The following SEZ6L variants were observed in gnomAD, a reference collection of about 807,000 sequenced individuals.
SEZ6L encodes seizure related 6 homolog like, also known as seizure 6-like protein.
SEZ6L carries 37 observed loss-of-function variants against 106.2 expected under a neutral mutation model. The observed-to-expected ratio is 0.35, with a 90% CI of 0.27 to 0.46. SEZ6L has a LOEUF of 0.46. SEZ6L is among the 20% of genes least tolerant of loss of function. SEZ6L has a pLI of 1.00. For synonymous variants in SEZ6L, 541 were observed against 570.4 expected (o/e 0.95, Z 0.73); for missense variants, 1,172 against 1,332.8 (o/e 0.88, Z 1.88).
chr22:26,219,975 G>T (rs1569392678), intron 1 of SEZ6L, among the ~76,000 whole-genome samples: 1 of 152,154 alleles, frequency 6.6e-6, no homozygotes, highest in Non-Finnish European at 1.5e-5. Flanking sequence ...TCTGAAAAAA[G>T]AACAGTGTCT....
At chr22:26,293,746 T>C (rs1247051618) in intron 2 of SEZ6L, among the ~76,000 whole-genome samples, 1 of 152,242 alleles carries the variant, frequency 6.6e-6, no homozygotes, top group Non-Finnish European at 1.5e-5. Context: ...GAATTCTTCA[T>C]TTAACCTGCT....
intron 14 of SEZ6L, among the ~76,000 whole-genome samples, chr22:26,374,236 A>T (rs971148935): frequency 6.6e-6 from 1 of 151,230 alleles, no homozygotes; most frequent in African/African-American, 2.4e-5. Flanking sequence ...ATATATATTT[A>T]AAAATATATA....
chr22:26,292,220 AAGAGGGAGAGAG>A, intron 1 of SEZ6L, 174 bp from the exon 2 acceptor site: 1 of 542,090 alleles, frequency 1.8e-6, no homozygotes, highest in Non-Finnish European at 3.2e-6. Flanking sequence ...AGAAAAGAGA[AAGAGGGAGAGAG>A]GGAAGGAGGA....
chr22:26,329,996 G>C (rs1322894996), intron 9 of SEZ6L, among the ~76,000 whole-genome samples: 1 of 152,214 alleles, frequency 6.6e-6, no homozygotes, highest in Non-Finnish European at 1.5e-5. Context: ...GATCTTGCCT[G>C]AAGGGCAAGA....
intron 6 of SEZ6L, among the ~76,000 whole-genome samples, chr22:26,308,263 A>AG (rs1204643365): frequency 6.6e-6 from 1 of 150,528 alleles, no homozygotes; most frequent in African/African-American, 2.5e-5. Context: ...ATACAGAGGG[A>AG]GGGGTATTCC....
chr22:26,379,422 T>C (rs2084341988), intron 16 of SEZ6L, among the ~76,000 whole-genome samples: 1 of 152,222 alleles, frequency 6.6e-6, no homozygotes, highest in African/African-American at 2.4e-5. Context: ...AAGGTGGGGA[T>C]CATGGGGACC....
chr22:26,222,389 C>T (rs1400361017), intron 1 of SEZ6L, among the ~76,000 whole-genome samples: 4 of 152,178 alleles, frequency 2.6e-5, no homozygotes, highest in African/African-American at 9.7e-5. Flanking sequence ...AAACACAAAC[C>T]GAAGACCTCA....
At chr22:26,295,079 A>G (rs1315200491) in intron 3 of SEZ6L, among the ~76,000 whole-genome samples, 1 of 152,204 alleles carries the variant, frequency 6.6e-6, no homozygotes, top group African/African-American at 2.4e-5. Flanking sequence ...TCTGGGTTTT[A>G]AGTCCTACCT....
chr22:26,355,671 A>G lies in SEZ6L; in HGVS notation c.2599+4428A>G, dbSNP rs147025525. On this transcript the variant is annotated intron_variant, in intron 12 of 16. Transcript: ENST00000248933. ...CTTGAGCTCAGGTGGCGGAGGTTGC[A>G]GTGAGCAGAGATCACGCCACTGCAC... 7.3e-3 allele frequency among the ~76,000 whole-genome samples: 1,117 copies of G among 152,344 alleles called. 13 individuals are homozygous for G. The highest frequency in any genetic ancestry group is 0.025 in the African/African-American group (1,027 of 41,584).
chr22:26,187,302 C>G (rs998341838), intron 1 of SEZ6L, among the ~76,000 whole-genome samples: 2 of 152,180 alleles, frequency 1.3e-5, no homozygotes, highest in Non-Finnish European at 2.9e-5. Context: ...CTCACTATCA[C>G]GAGAACAGCA....
intron 6 of SEZ6L, among the ~76,000 whole-genome samples, chr22:26,309,769 G>T (rs2081756220): frequency 6.6e-6 from 1 of 152,040 alleles, no homozygotes; most frequent in African/African-American, 2.4e-5. Flanking sequence ...AGTAGAGACG[G>T]GGTTTCACCA....
At chr22:26,275,789 C>T (rs961755726) in intron 1 of SEZ6L, among the ~76,000 whole-genome samples, 1 of 152,162 alleles carries the variant, frequency 6.6e-6, no homozygotes, top group Admixed American at 6.5e-5. Context: ...TGTCAGCTAC[C>T]TTTGGGGCCA....
chr22:26,348,695 A>AAGCAAGC (rs1569473824), intron 11 of SEZ6L, among the ~76,000 whole-genome samples: 6 of 55,788 alleles, frequency 1.1e-4, no homozygotes, highest in African/African-American at 4.0e-4. Flanking sequence ...AGAAAGAAAG[A>AAGCAAGC]AAGAAAGAAG....
chr22:26,356,467 C>A (rs1348454857), intron 12 of SEZ6L, among the ~76,000 whole-genome samples: 1 of 151,432 alleles, frequency 6.6e-6, no homozygotes, highest in African/African-American at 2.4e-5. Context: ...CATAGTGAAA[C>A]CCCGTCTCTA....
intron 1 of SEZ6L, among the ~76,000 whole-genome samples, chr22:26,170,660 G>A (rs1210826889): frequency 6.6e-6 from 1 of 152,130 alleles, no homozygotes; most frequent in Admixed American, 6.5e-5. Flanking sequence ...AGAGAGGGGT[G>A]CAACGCCTAA....
At chr22:26,366,345 C>T (rs774883828) in intron 13 of SEZ6L, among the ~76,000 whole-genome samples, 8 of 151,650 alleles carry the variant, frequency 5.3e-5, no homozygotes, top group Non-Finnish European at 1.0e-4. Context: ...AAAATGAAAA[C>T]ATAAAGGTCT....
chr22:26,298,632 G>A (rs2081366043), intron 4 of SEZ6L, among the ~76,000 whole-genome samples: 2 of 152,198 alleles, frequency 1.3e-5, no homozygotes, highest in Admixed American at 1.3e-4. Context: ...GCACGCAGGT[G>A]GGACTAAACT....
chr22:26,343,108 A>G (rs1205057118), intron 10 of SEZ6L, among the ~76,000 whole-genome samples: 2 of 152,138 alleles, frequency 1.3e-5, no homozygotes, highest in African/African-American at 4.8e-5. Flanking sequence ...TTTTCTGGGC[A>G]GTGCCCTGGG....
chr22:26,341,867 C>T (rs535686756), intron 10 of SEZ6L, among the ~76,000 whole-genome samples: 1 of 152,192 alleles, frequency 6.6e-6, no homozygotes, highest in East Asian at 1.9e-4. Context: ...CCACTCTAGT[C>T]CGAACTACCA....
Sources: allele counts gnomAD v4.1 joint callset (sites outside exome capture counted in the v4.1 genomes callset), GRCh38; gene constraint gnomAD v4.1.1; transcripts MANE v1.5; gene names NCBI Gene and HGNC (gene_info 2026-07-23, HGNC 2026-07-21).